Variants in TENM3 observed in about 807,000 individuals in gnomAD.
The protein encoded by TENM3 is teneurin-3.
TENM3 carries 63 observed loss-of-function variants against 255.1 expected under a neutral mutation model. That is an observed-to-expected ratio of 0.25 (90% CI 0.20 to 0.30). TENM3 has a LOEUF of 0.30. Among genes scored for constraint, TENM3 ranks in the 10% least tolerant of loss-of-function variants. The probability of loss-of-function intolerance (pLI) is 1.00; values close to 1 mark genes in which losing one functional copy is unlikely to be tolerated. For missense variants in TENM3, 2,929 were observed against 3,461.1 expected, an observed-to-expected ratio of 0.85 and a Z score of 3.86; for synonymous variants, 1,306 against 1,322.3, an observed-to-expected ratio of 0.99 and a Z score of 0.27.
chr4:182,209,282 TAAA>T (rs34530113), intron 1 of TENM3, among the ~76,000 whole-genome samples: 3 of 145,640 alleles, frequency 2.1e-5, no homozygotes, highest in African/African-American at 2.5e-5. Flanking sequence ...TGTCCCTCTT[TAAA>T]AAAAAAAAAA....
At chr4:182,484,290 C>T (rs1734489351) in intron 3 of TENM3, among the ~76,000 whole-genome samples, 1 of 152,158 alleles carries the variant, frequency 6.6e-6, no homozygotes, top group Non-Finnish European at 1.5e-5. Context: ...TGAGGTCATG[C>T]AGCTAGTCAG....
At chr4:182,279,703 T>C (rs1373060195) in intron 1 of TENM3, among the ~76,000 whole-genome samples, 2 of 152,234 alleles carry the variant, frequency 1.3e-5, no homozygotes, top group African/African-American at 2.4e-5. Flanking sequence ...TCTTGTTCTG[T>C]CGTTCATGGA....
chr4:181,921,409 T>C, the TENM3 span, among the ~76,000 whole-genome samples: 2 of 152,202 alleles, frequency 1.3e-5, no homozygotes, highest in Non-Finnish European at 2.9e-5. Context: ...TGTAATTTCA[T>C]TGAGCAGTGG....
the TENM3 span, among the ~76,000 whole-genome samples, chr4:181,895,061 A>G: frequency 6.6e-6 from 1 of 151,954 alleles, no homozygotes; most frequent in Admixed American, 6.6e-5. Context: ...GTGTAGGCCT[A>G]TCTTCTGCTT....
At chr4:182,650,831 A>G (rs140876962) in intron 5 of TENM3, among the ~76,000 whole-genome samples, 29 of 150,644 alleles carry the variant, frequency 1.9e-4, no homozygotes, top group African/African-American at 7.0e-4. Context: ...GTCTCATTAT[A>G]TAGCATCTTC....
chr4:182,552,113 A>G (rs1298780211), intron 3 of TENM3, among the ~76,000 whole-genome samples: 1 of 151,870 alleles, frequency 6.6e-6, no homozygotes, highest in African/African-American at 2.4e-5. Context: ...CAACTTTTCT[A>G]GAGTTAGCTT....
chr4:181,523,419 T>G, the TENM3 span, among the ~76,000 whole-genome samples: 1 of 144,408 alleles, frequency 6.9e-6, no homozygotes, highest in African/African-American at 2.6e-5. Flanking sequence ...ATTTTAAAAT[T>G]AAAAAAAAAA....
chr4:182,599,190 A>T (rs62339115), intron 3 of TENM3, among the ~76,000 whole-genome samples: 62,062 of 152,056 alleles, frequency 0.41, 14,819 homozygotes, highest in East Asian at 0.67. Flanking sequence ...ATGCTCTAAT[A>T]AATTATATGA....
At chr4:181,490,893 A>G in the TENM3 span, among the ~76,000 whole-genome samples, 2 of 152,120 alleles carry the variant, frequency 1.3e-5, no homozygotes, top group African/African-American at 4.8e-5. Flanking sequence ...TTCAAGTATC[A>G]TGCTCTCTGG....
intron 1 of TENM3, among the ~76,000 whole-genome samples, chr4:182,251,279 G>C (rs1757995504): frequency 6.6e-6 from 1 of 152,164 alleles, no homozygotes; most frequent in South Asian, 2.1e-4. Flanking sequence ...AGACCAGCCT[G>C]GGCAACATAG....
At chr4:182,029,392 T>A in the TENM3 span, among the ~76,000 whole-genome samples, 17 of 152,188 alleles carry the variant, frequency 1.1e-4, no homozygotes, top group Non-Finnish European at 1.5e-5. Flanking sequence ...TCTTTTTGAT[T>A]TTCAGTTTGG....
intron 1 of TENM3, among the ~76,000 whole-genome samples, chr4:182,233,193 A>C (rs1756687920): frequency 6.6e-6 from 1 of 152,158 alleles, no homozygotes; most frequent in Non-Finnish European, 1.5e-5. Flanking sequence ...AGCCCCAAAC[A>C]GCGGTGAGGG....
the TENM3 span, among the ~76,000 whole-genome samples, chr4:181,903,433 AC>A: frequency 6.6e-6 from 1 of 152,132 alleles, no homozygotes; most frequent in Non-Finnish European, 1.5e-5. Flanking sequence ...GATGCCTTTG[AC>A]TGTTCCTGTC....
At chr4:182,233,881 A>G (rs2150029058) in intron 1 of TENM3, among the ~76,000 whole-genome samples, 1 of 152,366 alleles carries the variant, frequency 6.6e-6, no homozygotes, top group African/African-American at 2.4e-5. Flanking sequence ...ATGTAGGCAT[A>G]GGCTTTTGCT....
At chr4:181,610,676 G>C in the TENM3 span, among the ~76,000 whole-genome samples, 1 of 151,918 alleles carries the variant, frequency 6.6e-6, no homozygotes. Flanking sequence ...TTCAGAGAAG[G>C]GGGAAGCAGG....
chr4:181,549,969 G>T, the TENM3 span, among the ~76,000 whole-genome samples: 9 of 152,036 alleles, frequency 5.9e-5, no homozygotes, highest in Non-Finnish European at 1.2e-4. Context: ...AGATATAATG[G>T]GTATAATGTG....
chr4:181,576,294 C>G, the TENM3 span, among the ~76,000 whole-genome samples: 1 of 152,208 alleles, frequency 6.6e-6, no homozygotes, highest in Non-Finnish European at 1.5e-5. Context: ...TTTTTTATAG[C>G]TGAATAGTAT....
chr4:182,525,382 A>G (rs1739050309), intron 3 of TENM3, among the ~76,000 whole-genome samples: 1 of 152,218 alleles, frequency 6.6e-6, no homozygotes, highest in South Asian at 2.1e-4. Flanking sequence ...AGTTTTACAG[A>G]TTAGGATCCA....
chr4:181,913,534 C>A, the TENM3 span, among the ~76,000 whole-genome samples: 1 of 152,116 alleles, frequency 6.6e-6, no homozygotes, highest in East Asian at 1.9e-4. Flanking sequence ...ACAGTCTAAG[C>A]TAATTCCAAA....
Sources: gnomAD v4.1 joint callset for allele counts (sites outside exome capture counted in the v4.1 genomes callset) on GRCh38, gnomAD v4.1.1 for gene constraint, MANE v1.5 for transcripts, NCBI Gene and HGNC (gene_info 2026-07-23, HGNC 2026-07-21) for gene names.